The following CTNNA3 variants were observed in gnomAD, a reference collection of about 807,000 sequenced individuals.
The protein encoded by CTNNA3 is catenin alpha 3.
CTNNA3 carries 76 observed loss-of-function variants against 95.7 expected under a neutral mutation model. That is an observed-to-expected ratio of 0.79 (90% CI 0.66 to 0.96). The LOEUF (loss-of-function observed/expected upper bound fraction) is 0.96, where lower values mean the gene tolerates loss of function less well. CTNNA3 is among the 40% of genes least tolerant of loss of function. CTNNA3 has a pLI of 0.00. For synonymous variants in CTNNA3, 431 were observed against 374.4 expected, an observed-to-expected ratio of 1.15 and a Z score of -1.74; for missense variants, 1,191 against 1,089.8, an observed-to-expected ratio of 1.09 and a Z score of -1.31.
rs367936717 is a variant in CTNNA3 at position 66,419,507 on chromosome 10, T to C, written c.1532-40155A>G. Among the ~76,000 whole-genome samples the C allele has an allele frequency of 5.9e-5, 9 of 152,170 alleles. No homozygotes were observed. The South Asian group carries it at 1.4e-3, about 24-fold the overall frequency. ...CTCAATGCAATCCCTATGAAGACAC[T>C]AATGCCATTTTTCACAGAATAGAAA... On this transcript the variant is annotated intron_variant, in intron 11 of 17. Coordinates refer to ENST00000433211, the MANE Select transcript of CTNNA3 (RefSeq NM_013266.4).
rs527716709 is a variant in CTNNA3 at position 67,670,477 on chromosome 10, G to C, written c.-5-22959C>G. 2.2e-3 allele frequency among the ~76,000 whole-genome samples: 335 copies of C among 152,178 alleles called. 3 individuals carry two copies. Among genetic ancestry groups the C allele is most frequent in the African/African-American group, 7.9e-3 (326 of 41,502 alleles). On this transcript the variant is annotated intron_variant, in intron 1 of 17. Transcript: ENST00000433211. ...TAAAACTATAACATCATTCCTATTA[G>C]GTCATCAATTGTATTCAAAAGAATG...
chr10:66,530,652 A>G (rs1841434002), intron 10 of CTNNA3, among the ~76,000 whole-genome samples: 1 of 152,006 alleles, frequency 6.6e-6, no homozygotes, highest in Non-Finnish European at 1.5e-5. Context: ...TGCTGAGGAG[A>G]CCTAACCTGC....
intron 13 of CTNNA3, among the ~76,000 whole-genome samples, chr10:66,133,234 G>A (rs997528877): frequency 3.9e-5 from 6 of 152,154 alleles, no homozygotes; most frequent in African/African-American, 1.2e-4. Flanking sequence ...AAAATATCTA[G>A]CCATGTGCAG....
At chr10:67,425,910 G>A (rs1301429412) in intron 5 of CTNNA3, among the ~76,000 whole-genome samples, 2 of 152,066 alleles carry the variant, frequency 1.3e-5, no homozygotes, top group East Asian at 3.9e-4. Context: ...ATGCTGCAGA[G>A]AGACATCCTG....
chr10:66,292,079 A>ACG (rs2091692080), intron 12 of CTNNA3, among the ~76,000 whole-genome samples: 1 of 147,644 alleles, frequency 6.8e-6, no homozygotes, highest in Admixed American at 6.7e-5. Context: ...ATACAGATAC[A>ACG]CACACACACA....
At chr10:67,712,205 A>G (rs1339361693) in intron 1 of CTNNA3, among the ~76,000 whole-genome samples, 2 of 152,234 alleles carry the variant, frequency 1.3e-5, no homozygotes, top group African/African-American at 4.8e-5. Context: ...TGACTTGGGT[A>G]CTGTTAAAGG....
chr10:65,931,012 T>A (rs1474920421), intron 17 of CTNNA3, among the ~76,000 whole-genome samples: 1 of 152,214 alleles, frequency 6.6e-6, no homozygotes, highest in Non-Finnish European at 1.5e-5. Context: ...CTTCTCTATT[T>A]TTTTGAAATA....
chr10:66,209,968 A>G (rs1170933329), intron 13 of CTNNA3, among the ~76,000 whole-genome samples: 1 of 152,176 alleles, frequency 6.6e-6, no homozygotes, highest in Non-Finnish European at 1.5e-5. Flanking sequence ...GAAGAAATGT[A>G]GTGGCTAAGA....
intron 12 of CTNNA3, among the ~76,000 whole-genome samples, chr10:66,351,735 G>C (rs553661171): frequency 1.3e-5 from 2 of 152,088 alleles, no homozygotes; most frequent in South Asian, 4.1e-4. Context: ...CAACTTCCTA[G>C]TTTGATGAGT....
rs919666435 is a variant in CTNNA3, at chr10:66,519,362, G to A, written c.1531+1255C>T. Among the ~76,000 whole-genome samples, 4 of 152,100 alleles carry A rather than the reference G, an allele frequency of 2.6e-5. No homozygotes were observed. In the East Asian group the frequency reaches 5.8e-4, roughly 22 times the overall value. The stretch of plus-strand genomic sequence containing the variant: ...TGTAGTTAGATATTTAGACTTGTTT[G>A]TTTAATTCTTTAGATTAGCACTGTC... On this transcript the variant is annotated intron_variant, in intron 11 of 17. Coordinates refer to ENST00000433211, the MANE Select transcript of CTNNA3 (RefSeq NM_013266.4).
chr10:67,501,751 G>A (rs938760903), intron 5 of CTNNA3, among the ~76,000 whole-genome samples: 5 of 151,890 alleles, frequency 3.3e-5, no homozygotes, highest in Admixed American at 2.0e-4. Context: ...CCGCTTGATC[G>A]ATTCAGCTAT....
At chr10:66,879,087 C>A (rs1484803486) in intron 7 of CTNNA3, among the ~76,000 whole-genome samples, 1 of 152,022 alleles carries the variant, frequency 6.6e-6, no homozygotes, top group Non-Finnish European at 1.5e-5. Context: ...TTCAAGACAG[C>A]CAAGTCCCCA....
rs535062535 is a variant in CTNNA3 at position 67,691,674 on chromosome 10, A to G, written c.-6+4326T>C. Among the ~76,000 whole-genome samples, 9 of 150,626 alleles carry G rather than the reference A, an allele frequency of 6.0e-5. No individual in the cohort carries two copies. The South Asian group carries it at 1.7e-3, about 28-fold the overall frequency. On this transcript the variant is annotated intron_variant, in intron 1 of 17. Coordinates refer to ENST00000433211, the MANE Select transcript of CTNNA3 (RefSeq NM_013266.4). ...CGCCCGGCAGCCGCCCCATCTGAGA[A>G]GTGAGGAGCCCCTCCACCCAGCAGC...
intron 5 of CTNNA3, among the ~76,000 whole-genome samples, chr10:67,222,939 A>T (rs2132273743): frequency 6.6e-6 from 1 of 152,340 alleles, no homozygotes; most frequent in African/African-American, 2.4e-5. Flanking sequence ...TCTGATGGTA[A>T]ATTGTAGTAA....
chr10:67,172,108 T>G (rs981892421), intron 7 of CTNNA3, among the ~76,000 whole-genome samples: 5 of 152,204 alleles, frequency 3.3e-5, no homozygotes, highest in Admixed American at 1.3e-4. Context: ...TTTCTGGAAT[T>G]CCCAACTCCC....
chr10:66,793,311 T>G (rs1841052096), intron 7 of CTNNA3, among the ~76,000 whole-genome samples: 1 of 151,932 alleles, frequency 6.6e-6, no homozygotes, highest in Admixed American at 6.6e-5. Flanking sequence ...CCAGAAAATT[T>G]TTTTCTATTT....
At chr10:67,236,672 A>T (rs1389205180) in intron 5 of CTNNA3, among the ~76,000 whole-genome samples, 5 of 151,694 alleles carry the variant, frequency 3.3e-5, no homozygotes, top group Non-Finnish European at 7.4e-5. Flanking sequence ...AATAATAAAT[A>T]AAAAATAAAA....
chr10:67,246,729 T>C (rs1439906508), intron 5 of CTNNA3, among the ~76,000 whole-genome samples: 1 of 152,148 alleles, frequency 6.6e-6, no homozygotes, highest in Non-Finnish European at 1.5e-5. Context: ...GTATGAGACA[T>C]GGATCTTTAA....
At chr10:65,951,419 C>G (rs1231860061) in intron 17 of CTNNA3, among the ~76,000 whole-genome samples, 1 of 152,112 alleles carries the variant, frequency 6.6e-6, no homozygotes, top group Non-Finnish European at 1.5e-5. Flanking sequence ...AGCAGCTTTT[C>G]TATAGCCTCA....
Sources: allele counts gnomAD v4.1 joint callset (sites outside exome capture counted in the v4.1 genomes callset), GRCh38; gene constraint gnomAD v4.1.1; transcripts MANE v1.5; gene names NCBI Gene and HGNC (gene_info 2026-07-23, HGNC 2026-07-21).